Variants in AQR observed in about 807,000 individuals in gnomAD.
AQR encodes aquarius intron-binding spliceosomal factor, also known as RNA helicase aquarius.
In AQR, 61 loss-of-function variants were observed where a neutral mutation model predicts 180.5. The ratio of observed to expected loss-of-function variants is 0.34; its 90% CI spans 0.28 to 0.42. The LOEUF (loss-of-function observed/expected upper bound fraction) is 0.42. Among genes scored for constraint, AQR ranks in the 10% least tolerant of loss-of-function variants. The pLI, the probability that AQR is intolerant of heterozygous loss-of-function variation, is 1.00. For missense variants in AQR, 1,281 were observed against 1,798.3 expected (o/e 0.71, Z 5.20); for synonymous variants, 551 against 588.8 (o/e 0.94, Z 0.93).
At chr15:34,897,338 T>C (rs759818256) in intron 21 of AQR, among the ~76,000 whole-genome samples, 5 of 152,202 alleles carry the variant, frequency 3.3e-5, no homozygotes, top group Non-Finnish European at 4.4e-5. Context: ...TAACATTTAT[T>C]TCTCATAGTA....
In AQR at chr15:34,913,285, G is replaced by A. The variant is rs577842738; in HGVS notation, c.1484+1753C>T. ...TCTACTTGAAGCATTAAAAAGTATA[G>A]ATTTCTGGCCCTTAAGCACATCCTC... On this transcript the variant is annotated intron_variant, in intron 16 of 34. Coordinates refer to ENST00000156471, the MANE Select transcript of AQR (RefSeq NM_014691.3). Among the ~76,000 whole-genome samples the A allele has an allele frequency of 8.5e-5, 13 of 152,196 alleles. No individual in the cohort carries two copies. In the South Asian group the frequency reaches 2.5e-3, roughly 29 times the overall value.
At chr15:34,893,920 TTGG>T (rs1305125882) in intron 22 of AQR, 147 bp from the exon 23 acceptor site, 1 of 632,908 alleles carries the variant, frequency 1.6e-6, no homozygotes, top group Non-Finnish European at 2.8e-6. Flanking sequence ...AGAAGAAGAG[TTGG>T]TGAACTTTGA....
intron 2 of AQR, among the ~76,000 whole-genome samples, chr15:34,961,471 G>A (rs373941115): frequency 6.6e-6 from 1 of 151,940 alleles, no homozygotes; most frequent in African/African-American, 2.4e-5. Context: ...TTAGCTGGGC[G>A]TGGTGGCGCA....
chr15:34,964,376 C>G (rs1299860672), intron 1 of AQR, 86 bp from the exon 2 acceptor site: 1 of 1,112,594 alleles, frequency 9.0e-7, no homozygotes, highest in East Asian at 2.5e-5. Flanking sequence ...TAAGCGGTTT[C>G]TTAACAAGGC....
intron 9 of AQR, among the ~76,000 whole-genome samples, chr15:34,937,302 G>A (rs1893959020): frequency 6.6e-6 from 1 of 152,124 alleles, no homozygotes. Context: ...TGGGATTACA[G>A]GCATGAGCCA....
intron 28 of AQR, among the ~76,000 whole-genome samples, chr15:34,875,589 AAT>A (rs1491044511): frequency 6.6e-6 from 1 of 151,318 alleles, no homozygotes; most frequent in African/African-American, 2.4e-5. Flanking sequence ...AAATGAAAAA[AAT>A]AATTCTACAA....
chr15:34,861,333 G>C (rs1892668754), intron 33 of AQR, among the ~76,000 whole-genome samples: 1 of 152,188 alleles, frequency 6.6e-6, no homozygotes, highest in South Asian at 2.1e-4. Flanking sequence ...GAACATGGAA[G>C]AGTTTTTGCT....
intron 13 of AQR, among the ~76,000 whole-genome samples, chr15:34,922,298 T>A (rs1042353460): frequency 3.9e-5 from 6 of 152,204 alleles, no homozygotes; most frequent in African/African-American, 1.4e-4. Context: ...GTAGTCCAGT[T>A]TTTGACGATT....
At chr15:34,967,906 C>T (rs1203380798) in intron 1 of AQR, among the ~76,000 whole-genome samples, 1 of 151,954 alleles carries the variant, frequency 6.6e-6, no homozygotes, top group Admixed American at 6.6e-5. Context: ...CTCCGCCTCC[C>T]GGGTTCAAGC....
chr15:34,920,971 A>G (rs1449058743), intron 13 of AQR, among the ~76,000 whole-genome samples: 3 of 151,972 alleles, frequency 2.0e-5, no homozygotes, highest in Non-Finnish European at 4.4e-5. Context: ...AATAATAACA[A>G]TAATAATAAC....
chr15:34,940,426 G>A (rs1305630107), intron 8 of AQR, among the ~76,000 whole-genome samples: 2 of 152,154 alleles, frequency 1.3e-5, no homozygotes, highest in Non-Finnish European at 2.9e-5. Flanking sequence ...TCTACTCAGA[G>A]GCTGGGGCAA....
intron 24 of AQR, among the ~76,000 whole-genome samples, chr15:34,888,336 T>C (rs1241693689): frequency 6.6e-6 from 1 of 150,884 alleles, no homozygotes; most frequent in African/African-American, 2.4e-5. Flanking sequence ...CAATATACAG[T>C]ACAATTAAAC....
At chr15:34,873,247 T>G (rs1405174519) in intron 30 of AQR, among the ~76,000 whole-genome samples, 1 of 152,160 alleles carries the variant, frequency 6.6e-6, no homozygotes, top group Non-Finnish European at 1.5e-5. Flanking sequence ...TTCCTAGATG[T>G]GAGAACATTG....
At position 34,893,704 on chromosome 15, in the gene AQR, A is replaced by T. The variant is rs1163919447; in HGVS notation, c.2530T>A (p.Phe844Ile). ...VQIISNIYHN[F>I]PEQRTLIVTH... ...ACAATTAGAGTCCTCTGTTCTGGGA[A>T]GTTGTGGTAGATGTTGGATATGATC... is the stretch of plus-strand genomic sequence containing the variant. Residue 844 changes from phenylalanine (F) to isoleucine (I), a missense_variant, in exon 23 of 35, where the codon TTC becomes ATC. Physicochemically the swap from Phe to Ile is conservative, Grantham distance 21. This residue lies in a region of AQR where 31 missense variants were observed against 95.5 expected (regional missense o/e 0.32). Transcript: ENST00000156471. The T allele has an allele frequency of 1.9e-6, 3 of 1,613,202 alleles. No individual in the cohort carries two copies. The highest frequency in any genetic ancestry group is 3.3e-5 in the Admixed American group (2 of 59,866).
At chr15:34,957,706 A>C (rs905424552) in intron 3 of AQR, among the ~76,000 whole-genome samples, 4 of 109,696 alleles carry the variant, frequency 3.6e-5, no homozygotes, top group African/African-American at 1.1e-4. Flanking sequence ...CGTCTCAAAA[A>C]AACATAAAAA....
chr15:34,907,563 C>T (rs1302577310), intron 17 of AQR, among the ~76,000 whole-genome samples: 1 of 152,168 alleles, frequency 6.6e-6, no homozygotes, highest in Non-Finnish European at 1.5e-5. Flanking sequence ...ACAATGTGGG[C>T]ATATGGCTAA....
At position 34,930,268 on chromosome 15, in the gene AQR, G is replaced by GT; in HGVS notation, c.1003dup (p.Thr335AsnfsTer13). 6.3e-7 allele frequency: 1 copy of GT among 1,587,896 alleles called. No homozygotes were observed. Among genetic ancestry groups the GT allele is most frequent in the Non-Finnish European group, 8.6e-7 (1 of 1,157,608 alleles). The stretch of plus-strand genomic sequence containing the variant: ...ATGTATTTTAATTACCTGTAGAGAA[G>GT]TAATTCTATCATAGTGAATTGTGGT... On this transcript the variant is annotated frameshift_variant, in exon 12 of 35. Coordinates refer to ENST00000156471, the MANE Select transcript of AQR (RefSeq NM_014691.3). LOFTEE classifies it high-confidence loss of function.
intron 22 of AQR, 78 bp downstream of exon 22, chr15:34,896,819 G>A (rs773754636): frequency 3.4e-5 from 45 of 1,309,956 alleles, no homozygotes; most frequent in Middle Eastern, 1.8e-4. Context: ...ACTGCACTCC[G>A]GCATGGGCAA....
At chr15:34,880,893 GC>G (rs1260469513) in intron 27 of AQR, among the ~76,000 whole-genome samples, 1 of 152,104 alleles carries the variant, frequency 6.6e-6, no homozygotes, top group Non-Finnish European at 1.5e-5. Context: ...GTGGGGGACT[GC>G]CTTTTTTTGT....
Sources: gnomAD v4.1 joint callset for allele counts (sites outside exome capture counted in the v4.1 genomes callset) on GRCh38, gnomAD v4.1.1 for gene constraint, gnomAD v4.1.1 regional missense constraint, MANE v1.5 for transcripts, NCBI Gene and HGNC (gene_info 2026-07-23, HGNC 2026-07-21) for gene names.